Variants in ZSCAN1 observed in about 807,000 individuals in gnomAD.
The protein encoded by ZSCAN1 is zinc finger and SCAN domain containing 1.
A neutral mutation model predicts 23.8 loss-of-function variants in ZSCAN1; 23 were observed. The observed-to-expected ratio is 0.97, with a 90% CI of 0.70 to 1.37. ZSCAN1 has a LOEUF of 1.37. Ranked by LOEUF, ZSCAN1 falls within the 40% of genes most tolerant of loss-of-function variation. The pLI, the probability that ZSCAN1 is intolerant of heterozygous loss-of-function variation, is 0.00. For synonymous variants in ZSCAN1, 236 were observed against 232.3 expected, an observed-to-expected ratio of 1.02 and a Z score of -0.15; for missense variants, 575 against 554.0, an observed-to-expected ratio of 1.04 and a Z score of -0.38.
intron 4 of ZSCAN1, among the ~76,000 whole-genome samples, chr19:58,043,608 CCTT>C (rs1168033414): frequency 5.3e-5 from 8 of 151,884 alleles, no homozygotes; most frequent in Non-Finnish European, 8.8e-5. Flanking sequence ...AACTATATTT[CCTT>C]CTTCAATATA....
At chr19:58,048,114 G>T (rs2123437231) in intron 4 of ZSCAN1, among the ~76,000 whole-genome samples, 1 of 152,350 alleles carries the variant, frequency 6.6e-6, no homozygotes, top group African/African-American at 2.4e-5. Flanking sequence ...AGCCATTAAA[G>T]AAACTTGACA....
Position 58,045,090 on chromosome 19 carries a change from C to A in ZSCAN1, c.465+4546C>A. On this transcript the variant is annotated intron_variant, in intron 4 of 5. Transcript: ENST00000282326. The surrounding 1 kb of genome is among the most constrained non-coding windows in gnomAD (Gnocchi z 4.3). ...GCTGAGGCACTACTACCATGGCTTC[C>A]GCCTGCTACGGATCCACACCAAGAT... The A allele has an allele frequency of 8.2e-7, 1 of 1,222,500 alleles. No homozygotes were observed. Among genetic ancestry groups the A allele is most frequent in the African/African-American group, 1.5e-5 (1 of 67,534 alleles). 75.7% of individuals were successfully genotyped at this position (1,222,500 alleles called of 1,614,324 possible).
chr19:58,039,015 A>T (rs1303877536), intron 3 of ZSCAN1, among the ~76,000 whole-genome samples: 1 of 152,238 alleles, frequency 6.6e-6, no homozygotes, highest in East Asian at 1.9e-4. Flanking sequence ...GGGTGGAGCA[A>T]GGGAGAGGAA....
intron 4 of ZSCAN1, chr19:58,046,006 GAGA>G: frequency 2.8e-6 from 2 of 706,192 alleles, no homozygotes; most frequent in Non-Finnish European, 5.1e-6. Context: ...GGAGCACCGC[GAGA>G]AGGAGCTGCA....
At position 58,040,884 on chromosome 19, in the gene ZSCAN1, A is replaced by T. The variant is rs1256944210; in HGVS notation, c.465+340A>T. On this transcript the variant is annotated intron_variant, in intron 4 of 5. Coordinates refer to ENST00000282326, the MANE Select transcript of ZSCAN1 (RefSeq NM_182572.4). The surrounding 1 kb of genome is among the most constrained non-coding windows in gnomAD (Gnocchi z 5.8). ...TTGAGAAAGTCCTGCTGCCCCGATC[A>T]TCTTCCCTCAGTGAACCCAGGATTC... Among the ~76,000 whole-genome samples the T allele has an allele frequency of 3.3e-5, 5 of 152,160 alleles. No individual in the cohort carries two copies. The highest frequency in any genetic ancestry group is 2.6e-4 in the Admixed American group (4 of 15,272).
Position 58,053,433 on chromosome 19 carries a change from C to A in ZSCAN1, c.609C>A (p.Ser203=). The A allele has an allele frequency of 6.2e-7, 1 of 1,608,980 alleles. No homozygotes were observed. The highest frequency in any genetic ancestry group is 8.5e-7 in the Non-Finnish European group (1 of 1,176,340). The change falls in exon 6 of 6, where the codon TCC becomes TCA. Residue 203 remains serine, a synonymous_variant. Transcript: ENST00000282326. This position sits in a 1 kb window ranked among gnomAD's most constrained non-coding sequence, Gnocchi z 5.8. The part of the protein sequence containing the change: ...EAPRAPGLLG[S]RARLPLKPSI... The stretch of plus-strand genomic sequence containing the variant: ...CATCTCCCTCGCCCTCCACAGGGTC[C>A]CGGGCCCGCTTGCCTCTGAAGCCGA...
At chr19:58,044,700 T>C in intron 4 of ZSCAN1, 1 of 768,758 alleles carries the variant, frequency 1.3e-6, no homozygotes, top group Non-Finnish European at 2.3e-6. Context: ...CATCTCAGCT[T>C]GCCAGCACCC....
chr19:58,034,056 G>C lies in ZSCAN1; in HGVS notation c.-257G>C, dbSNP rs1321857919. On this transcript the variant is annotated 5_prime_UTR_variant, in exon 1 of 6. Coordinates refer to ENST00000282326, the MANE Select transcript of ZSCAN1 (RefSeq NM_182572.4). The stretch of plus-strand genomic sequence containing the variant: ...CAGCGGACCAATGGCGGCCGCCCGC[G>C]GCGCGCAGGGTGCGGGGATGGGGTC... The C allele has an allele frequency of 1.3e-5, 2 of 151,836 alleles. No individual in the cohort carries two copies. The highest frequency in any genetic ancestry group is 3.9e-4 in the East Asian group (2 of 5,146). 9.4% of individuals were successfully genotyped at this position (151,836 alleles called of 1,614,324 possible).
intron 2 of ZSCAN1, 77 bp from the exon 3 acceptor site, chr19:58,037,651 G>A (rs1212547667): frequency 1.4e-6 from 1 of 696,182 alleles, no homozygotes; most frequent in Non-Finnish European, 2.2e-6. Context: ...GAACAAGGAA[G>A]TAAGGAGCCG....
intron 4 of ZSCAN1, among the ~76,000 whole-genome samples, chr19:58,048,167 A>C (rs2073837956): frequency 1.3e-5 from 2 of 152,276 alleles, no homozygotes; most frequent in Admixed American, 1.3e-4. Flanking sequence ...ACCTTTGTGC[A>C]GGGACAGTTG....
intron 4 of ZSCAN1, chr19:58,046,253 GGAA>G (rs1417269064): frequency 5.1e-6 from 4 of 777,074 alleles, no homozygotes; most frequent in Admixed American, 1.7e-5. Flanking sequence ...TCACTCACCA[GGAA>G]GAAGGAGGAG....
chr19:58,042,750 C>G (rs1022608293), intron 4 of ZSCAN1, among the ~76,000 whole-genome samples: 1 of 152,192 alleles, frequency 6.6e-6, no homozygotes, highest in Non-Finnish European at 1.5e-5. Flanking sequence ...GAAACCACAG[C>G]CGCGCTCACA....
intron 3 of ZSCAN1, among the ~76,000 whole-genome samples, chr19:58,039,770 CAAAAAAAAA>C (rs67254346): frequency 3.2e-4 from 27 of 83,300 alleles, no homozygotes; most frequent in Admixed American, 7.9e-4. Flanking sequence ...GACTCCGTCT[CAAAAAAAAA>C]AAAAAAAAAA....
In ZSCAN1 at chr19:58,045,343, TTCAGG is replaced by T; in HGVS notation, c.465+4803_465+4807del. The T allele has an allele frequency of 1.2e-6, 1 of 804,958 alleles. No individual in the cohort carries two copies. Among genetic ancestry groups the T allele is most frequent in the Admixed American group, 1.7e-5 (1 of 58,826 alleles). The allele number at this position is 804,958 out of a possible 1,614,324, so 49.9% of individuals were successfully genotyped here. On this transcript the variant is annotated intron_variant, in intron 4 of 5. Transcript: ENST00000282326. This position sits in a 1 kb window ranked among gnomAD's most constrained non-coding sequence, Gnocchi z 4.3. ...ATCAAGGAGAAGAGGCTGAAGGAGC[TTCAGG>T]TCAAGCTGGAGCTAGCCGAGTTCCT...
intron 4 of ZSCAN1, among the ~76,000 whole-genome samples, chr19:58,041,587 G>A (rs1193644901): frequency 6.6e-6 from 1 of 152,212 alleles, no homozygotes; most frequent in African/African-American, 2.4e-5. Context: ...ACAAAATACG[G>A]CTGGGTGTGG....
Position 58,054,064 on chromosome 19 carries a change from G to T in ZSCAN1, c.*13G>T. On this transcript the variant is annotated 3_prime_UTR_variant, in exon 6 of 6. Transcript: ENST00000282326. The surrounding 1 kb of genome is among the most constrained non-coding windows in gnomAD (Gnocchi z 4.2). ...CGGCCACATGTGAATGGCCAGCCTC[G>T]GGCCTCGGCCACCCGGCCCTGAGTC... 8 of 1,482,358 alleles carry T rather than the reference G, an allele frequency of 5.4e-6. No individual in the cohort carries two copies. Among genetic ancestry groups the T allele is most frequent in the Non-Finnish European group, 7.2e-6 (8 of 1,118,612 alleles). The allele number at this position is 1,482,358 out of a possible 1,614,324, so 91.8% of individuals were successfully genotyped here. A position where few individuals can be genotyped will look rare whatever the true frequency, so the allele number is the denominator to read the frequency against.
downstream of ZSCAN1, among the ~76,000 whole-genome samples, chr19:58,055,244 C>T (rs931489881): frequency 2.0e-5 from 3 of 152,224 alleles, no homozygotes; most frequent in African/African-American, 7.2e-5. Flanking sequence ...TGCTTCTCAA[C>T]CAAGCTGCCC....
chr19:58,055,889 T>G (rs1056823240), downstream of ZSCAN1, among the ~76,000 whole-genome samples: 17 of 152,162 alleles, frequency 1.1e-4, no homozygotes, highest in East Asian at 3.3e-3. Flanking sequence ...CCAATTGAGT[T>G]TGTCCAAATA....
At chr19:58,042,290 C>T (rs1278551021) in intron 4 of ZSCAN1, among the ~76,000 whole-genome samples, 1 of 150,312 alleles carries the variant, frequency 6.7e-6, no homozygotes, top group East Asian at 2.0e-4. Flanking sequence ...TGGAGTCTTG[C>T]TCTGTAGCCC....
Sources: allele counts gnomAD v4.1 joint callset (sites outside exome capture counted in the v4.1 genomes callset), GRCh38; gene constraint gnomAD v4.1.1; non-coding constraint Gnocchi (gnomAD v3.1); transcripts MANE v1.5; gene names NCBI Gene and HGNC (gene_info 2026-07-23, HGNC 2026-07-21).